Variants in ITPKB observed in about 807,000 individuals in gnomAD.
ITPKB encodes inositol-trisphosphate 3-kinase B.
A neutral mutation model predicts 69.4 loss-of-function variants in ITPKB; 13 were observed. The observed-to-expected ratio is 0.19, with a 90% CI of 0.12 to 0.30. ITPKB has a LOEUF of 0.30. ITPKB is among the 10% of genes least tolerant of loss of function. ITPKB has a pLI of 1.00. For missense variants in ITPKB, 1,240 were observed against 1,250.5 expected, an observed-to-expected ratio of 0.99 and a Z score of 0.13; for synonymous variants, 584 against 513.7, an observed-to-expected ratio of 1.14 and a Z score of -1.85.
chr1:226,726,703 A>G (rs1464900502), intron 2 of ITPKB, among the ~76,000 whole-genome samples: 6 of 152,016 alleles, frequency 3.9e-5, no homozygotes, highest in Non-Finnish European at 7.4e-5. Flanking sequence ...TTTTTTGTAA[A>G]AGAAAAAGCG....
intron 2 of ITPKB, among the ~76,000 whole-genome samples, chr1:226,673,604 T>C (rs977724953): frequency 3.3e-5 from 5 of 152,352 alleles, no homozygotes; most frequent in South Asian, 2.1e-4. Flanking sequence ...TCTAGATGTA[T>C]GGAAATCTTT....
chr1:226,639,313 T>G (rs962411047), intron 6 of ITPKB, among the ~76,000 whole-genome samples: 4 of 152,150 alleles, frequency 2.6e-5, no homozygotes, highest in African/African-American at 9.7e-5. Context: ...CTGCCCCAGC[T>G]TCCCAAAGTG....
intron 2 of ITPKB, 129 bp downstream of exon 2, chr1:226,735,398 G>A: frequency 9.6e-7 from 1 of 1,046,886 alleles, no homozygotes; most frequent in Non-Finnish European, 1.3e-6. Context: ...ATTATTCACT[G>A]TGACTGTCCC....
chr1:226,724,608 C>G (rs775273849), intron 2 of ITPKB, among the ~76,000 whole-genome samples: 6 of 152,170 alleles, frequency 3.9e-5, no homozygotes, highest in Non-Finnish European at 7.3e-5. Context: ...AACTGAGGAG[C>G]AGAAAGTTTT....
chr1:226,720,229 C>G (rs531559514), intron 2 of ITPKB, among the ~76,000 whole-genome samples: 11 of 152,354 alleles, frequency 7.2e-5, no homozygotes, highest in African/African-American at 1.4e-4. Context: ...CTCTTTCCCC[C>G]GGGGTCCAGT....
chr1:226,694,243 T>C (rs1022068748), intron 2 of ITPKB, among the ~76,000 whole-genome samples: 8 of 152,184 alleles, frequency 5.3e-5, no homozygotes, highest in South Asian at 2.1e-4. Context: ...CCAAGGTGCA[T>C]GAAAAGACAG....
At chr1:226,692,061 G>A (rs1459613870) in intron 2 of ITPKB, among the ~76,000 whole-genome samples, 1 of 152,194 alleles carries the variant, frequency 6.6e-6, no homozygotes. Flanking sequence ...GAGGGAATCA[G>A]TATTTATCAA....
At chr1:226,708,234 G>A (rs1656859699) in intron 2 of ITPKB, among the ~76,000 whole-genome samples, 1 of 152,170 alleles carries the variant, frequency 6.6e-6, no homozygotes, top group Admixed American at 6.5e-5. Context: ...TTTAGTCGTG[G>A]TTATCATTAT....
At position 226,716,999 on chromosome 1, in the gene ITPKB, C is replaced by T. The variant is rs16846413; in HGVS notation, c.1932+18528G>A. 6.6e-3 allele frequency among the ~76,000 whole-genome samples: 1,009 copies of T among 152,314 alleles called. 43 individuals carry two copies. Among genetic ancestry groups the T allele is most frequent in the Admixed American group, 0.056 (852 of 15,298 alleles). On this transcript the variant is annotated intron_variant, in intron 2 of 7. Coordinates refer to ENST00000429204, the MANE Select transcript of ITPKB (RefSeq NM_002221.4). ...CTTCATCATACCGAGGGAGAAATAA[C>T]CATGCCTTTTAGTTTCTTCTGATTC...
chr1:226,636,408 C>T (rs1462533602), intron 7 of ITPKB, among the ~76,000 whole-genome samples: 1 of 152,212 alleles, frequency 6.6e-6, no homozygotes, highest in African/African-American at 2.4e-5. Context: ...ACCCCCTCCT[C>T]GCAGCCATCC....
intron 2 of ITPKB, among the ~76,000 whole-genome samples, chr1:226,674,323 C>T (rs556076749): frequency 6.6e-6 from 1 of 152,266 alleles, no homozygotes; most frequent in South Asian, 2.1e-4. Context: ...CCTCAGCCTC[C>T]GAGTAGCTGG....
chr1:226,709,396 G>A (rs1052702350), intron 2 of ITPKB, among the ~76,000 whole-genome samples: 1 of 152,196 alleles, frequency 6.6e-6, no homozygotes, highest in Non-Finnish European at 1.5e-5. Flanking sequence ...GATGTCCAGT[G>A]TCTGGCCTCT....
At chr1:226,693,458 C>T (rs1656405079) in intron 2 of ITPKB, among the ~76,000 whole-genome samples, 1 of 152,234 alleles carries the variant, frequency 6.6e-6, no homozygotes, top group South Asian at 2.1e-4. Context: ...GTAGAGATCA[C>T]TGCCTGTCCC....
intron 2 of ITPKB, among the ~76,000 whole-genome samples, chr1:226,654,689 G>C (rs1161308485): frequency 6.6e-6 from 1 of 152,178 alleles, no homozygotes; most frequent in Non-Finnish European, 1.5e-5. Context: ...GATTCTGTGT[G>C]TTTTTCTGGA....
Position 226,738,106 on chromosome 1 carries a change from C to A in ITPKB, c.-205-443G>T, listed in dbSNP as rs974130134. 2.0e-5 allele frequency among the ~76,000 whole-genome samples: 3 copies of A among 152,132 alleles called. No homozygotes were observed. The highest frequency in any genetic ancestry group is 6.5e-5 in the Admixed American group (1 of 15,280). On this transcript the variant is annotated intron_variant, in intron 1 of 7. Transcript: ENST00000429204. The surrounding 1 kb of genome is among the most constrained non-coding windows in gnomAD (Gnocchi z 4.2). ...ATCCAGGGCAACCCGGCAGCCCTCG[C>A]CCTGGGCTTCAGGGTCTCCCTGCTC...
intron 2 of ITPKB, among the ~76,000 whole-genome samples, chr1:226,684,043 G>A (rs1437963658): frequency 6.6e-6 from 1 of 152,140 alleles, no homozygotes; most frequent in Non-Finnish European, 1.5e-5. Context: ...GAGTGTCAGG[G>A]AAATTTCCAA....
intron 2 of ITPKB, among the ~76,000 whole-genome samples, chr1:226,703,953 G>A (rs1029886952): frequency 1.3e-5 from 2 of 151,956 alleles, no homozygotes; most frequent in Non-Finnish European, 2.9e-5. Flanking sequence ...TTTTGTTCAA[G>A]AGCTAATAAA....
chr1:226,709,033 G>T (rs193087737), intron 2 of ITPKB, among the ~76,000 whole-genome samples: 1 of 152,246 alleles, frequency 6.6e-6, no homozygotes, highest in African/African-American at 2.4e-5. Context: ...CAGCAAGCAG[G>T]TGGCAGCAGT....
chr1:226,689,813 C>G (rs1043091766), intron 2 of ITPKB, among the ~76,000 whole-genome samples: 4 of 152,158 alleles, frequency 2.6e-5, no homozygotes, highest in African/African-American at 4.8e-5. Context: ...TTGTTCCCCT[C>G]TATGTGTCCA....
Sources: gnomAD v4.1 joint callset for allele counts (sites outside exome capture counted in the v4.1 genomes callset) on GRCh38, gnomAD v4.1.1 for gene constraint, Gnocchi (gnomAD v3.1) non-coding constraint, MANE v1.5 for transcripts, NCBI Gene and HGNC (gene_info 2026-07-23, HGNC 2026-07-21) for gene names.